Variants in SPON1 observed in about 807,000 individuals in gnomAD.
SPON1 encodes spondin 1, also known as spondin-1.
Under a neutral mutation model 111.7 loss-of-function variants are expected in SPON1, and 52 were observed. That is an observed-to-expected ratio of 0.47 (90% confidence interval 0.37 to 0.59). The LOEUF (loss-of-function observed/expected upper bound fraction) is 0.59, where lower values mean the gene tolerates loss of function less well. SPON1 is among the 20% of genes least tolerant of loss of function. The pLI is 0.00. For missense variants in SPON1, 957 were observed against 1,068.5 expected (o/e 0.90, Z 1.46); for synonymous variants, 410 against 395.8 (o/e 1.04, Z -0.43).
chr11:14,118,399 AGT>A (rs2133852505), intron 5 of SPON1, among the ~76,000 whole-genome samples: 2 of 152,332 alleles, frequency 1.3e-5, no homozygotes, highest in East Asian at 3.9e-4. Context: ...ATATAATTGC[AGT>A]GTTACTTGTC....
At chr11:14,098,478 T>C (rs1326341158) in intron 5 of SPON1, among the ~76,000 whole-genome samples, 4 of 152,224 alleles carry the variant, frequency 2.6e-5, no homozygotes, top group African/African-American at 9.6e-5. Flanking sequence ...TATAAACTAT[T>C]CACAAAGCAT....
chr11:14,176,128 C>G (rs1848172304), intron 6 of SPON1, among the ~76,000 whole-genome samples: 1 of 152,018 alleles, frequency 6.6e-6, no homozygotes, highest in African/African-American at 2.4e-5. Context: ...CTGTTAAGCC[C>G]TCTTTAGGGT....
intron 2 of SPON1, among the ~76,000 whole-genome samples, chr11:13,995,513 A>T (rs1246793230): frequency 1.3e-5 from 2 of 152,154 alleles, no homozygotes; most frequent in Non-Finnish European, 2.9e-5. Context: ...TAAAACCATC[A>T]GCTCTCGTGA....
At chr11:14,256,996 G>T (rs1233572590) in intron 10 of SPON1, among the ~76,000 whole-genome samples, 3 of 152,098 alleles carry the variant, frequency 2.0e-5, no homozygotes, top group African/African-American at 7.2e-5. Flanking sequence ...CGATTCTCAG[G>T]CCAGCCTATG....
At chr11:14,152,896 A>G (rs76532548) in intron 6 of SPON1, among the ~76,000 whole-genome samples, 1,567 of 152,258 alleles carry the variant, frequency 0.01, 25 homozygotes, top group African/African-American at 0.036. Flanking sequence ...TCTTTCTCAA[A>G]TGGACATGGT....
chr11:14,078,762 T>A (rs1479728575), intron 4 of SPON1, among the ~76,000 whole-genome samples: 1 of 152,170 alleles, frequency 6.6e-6, no homozygotes, highest in Non-Finnish European at 1.5e-5. Context: ...AGACAATATA[T>A]GGAAAGAAAT....
chr11:13,967,116 C>T (rs1848023778), intron 1 of SPON1, among the ~76,000 whole-genome samples: 1 of 152,104 alleles, frequency 6.6e-6, no homozygotes, highest in Non-Finnish European at 1.5e-5. Context: ...ATTCCTTATC[C>T]ATGGTCACAC....
intron 3 of SPON1, among the ~76,000 whole-genome samples, chr11:14,047,079 C>A (rs1178680820): frequency 6.6e-6 from 1 of 152,006 alleles, no homozygotes; most frequent in Non-Finnish European, 1.5e-5. Context: ...CTTGGTAGTT[C>A]TACTGGCTTA....
At chr11:14,176,430 C>G (rs1170867420) in intron 6 of SPON1, among the ~76,000 whole-genome samples, 1 of 152,098 alleles carries the variant, frequency 6.6e-6, no homozygotes, top group Non-Finnish European at 1.5e-5. Flanking sequence ...CCCCCAGGAG[C>G]CGAACAGACA....
intron 6 of SPON1, among the ~76,000 whole-genome samples, chr11:14,229,653 CG>C (rs1266022609): frequency 6.6e-6 from 1 of 152,110 alleles, no homozygotes; most frequent in Non-Finnish European, 1.5e-5. Context: ...TGCCCTGTGA[CG>C]GGAGCCCAGC....
chr11:14,047,072 G>T (rs11023064), intron 3 of SPON1, among the ~76,000 whole-genome samples: 3 of 151,866 alleles, frequency 2.0e-5, no homozygotes, highest in Non-Finnish European at 4.4e-5. Flanking sequence ...GAACTCTCTT[G>T]GTAGTTCTAC....
chr11:13,985,686 G>T (rs190938284), intron 2 of SPON1, among the ~76,000 whole-genome samples: 9 of 151,964 alleles, frequency 5.9e-5, no homozygotes, highest in Admixed American at 5.9e-4. Flanking sequence ...CTTAATTCTT[G>T]TAGCAACCTT....
intron 1 of SPON1, among the ~76,000 whole-genome samples, chr11:13,976,680 G>A (rs1848106044): frequency 6.6e-6 from 1 of 152,164 alleles, no homozygotes; most frequent in Admixed American, 6.5e-5. Context: ...CAGAAACATT[G>A]TTTAGGAATC....
At chr11:14,004,709 A>G (rs1848345853) in intron 2 of SPON1, among the ~76,000 whole-genome samples, 1 of 152,078 alleles carries the variant, frequency 6.6e-6, no homozygotes, top group South Asian at 2.1e-4. Context: ...TTGAGTTTTA[A>G]CAGTTATTTA....
chr11:14,034,394 T>C (rs1023905358), intron 2 of SPON1, among the ~76,000 whole-genome samples: 6 of 152,086 alleles, frequency 3.9e-5, no homozygotes, highest in African/African-American at 1.2e-4. Flanking sequence ...AGATGACGAG[T>C]GTGGAGACGT....
chr11:14,205,549 T>A (rs1027858808), intron 6 of SPON1, among the ~76,000 whole-genome samples: 3 of 152,204 alleles, frequency 2.0e-5, no homozygotes, highest in Non-Finnish European at 4.4e-5. Context: ...CTACTTCTGT[T>A]TAGGTCGGAG....
intron 3 of SPON1, among the ~76,000 whole-genome samples, chr11:14,049,591 C>T (rs1812868852): frequency 6.6e-6 from 1 of 152,174 alleles, no homozygotes; most frequent in Admixed American, 6.5e-5. Context: ...CTTGTCTGTC[C>T]ATTCCTTTGG....
chr11:14,155,188 C>T (rs569493975), intron 6 of SPON1, among the ~76,000 whole-genome samples: 17 of 152,360 alleles, frequency 1.1e-4, no homozygotes, highest in Admixed American at 3.9e-4. Flanking sequence ...CCAACCTCTG[C>T]CCATTACCCA....
At chr11:14,197,520 T>TAAATAAAC (rs1554935216) in intron 6 of SPON1, among the ~76,000 whole-genome samples, 17 of 135,372 alleles carry the variant, frequency 1.3e-4, no homozygotes, top group Non-Finnish European at 2.1e-4. Flanking sequence ...AATAAATAAA[T>TAAATAAAC]AAACAAGTGG....
Sources: allele counts gnomAD v4.1 joint callset (sites outside exome capture counted in the v4.1 genomes callset), GRCh38; gene constraint gnomAD v4.1.1; transcripts MANE v1.5; gene names NCBI Gene and HGNC (gene_info 2026-07-23, HGNC 2026-07-21).